NSF: variants seen among roughly 807,000 people sequenced by gnomAD.
The protein encoded by NSF is N-ethylmaleimide sensitive factor, vesicle fusing ATPase, also known as vesicle-fusing ATPase.
Under a neutral mutation model 50.3 loss-of-function variants are expected in NSF, and 14 were observed. That is an observed-to-expected ratio of 0.28 (90% CI 0.18 to 0.44). NSF has a LOEUF of 0.44. NSF is among the 20% of genes least tolerant of loss of function. NSF has a pLI of 1.00. For missense variants in NSF, 218 were observed against 504.3 expected, an observed-to-expected ratio of 0.43 and a Z score of 5.44; for synonymous variants, 109 against 175.7, an observed-to-expected ratio of 0.62 and a Z score of 3.00.
chr17:46,676,506 A>G (rs1198535563), intron 9 of NSF, among the ~76,000 whole-genome samples: 1 of 146,914 alleles, frequency 6.8e-6, no homozygotes, highest in Non-Finnish European at 1.5e-5. Flanking sequence ...TGCTGAGATT[A>G]TAGGCGTGAC....
chr17:46,741,113 G>A (rs2146321462), intron 17 of NSF, among the ~76,000 whole-genome samples: 1 of 152,262 alleles, frequency 6.6e-6, no homozygotes, highest in Non-Finnish European at 1.5e-5. Context: ...AGTGAAAATA[G>A]CAATGAGGCC....
chr17:46,721,451 C>A, intron 15 of NSF: 1 of 636,916 alleles, frequency 1.6e-6, no homozygotes, highest in Non-Finnish European at 2.7e-6. Flanking sequence ...TCCCTCCTAA[C>A]TTTAAGACCC....
intron 2 of NSF, among the ~76,000 whole-genome samples, chr17:46,625,692 G>A (rs1411516512): frequency 1.3e-5 from 1 of 76,930 alleles, no homozygotes. Context: ...AAAAAAATAC[G>A]TATAGAAACA....
chr17:46,731,114 C>T (rs1426492792), intron 17 of NSF, among the ~76,000 whole-genome samples: 1 of 151,952 alleles, frequency 6.6e-6, no homozygotes, highest in Admixed American at 6.6e-5. Flanking sequence ...AAACATTTAT[C>T]TGATAAAATC....
chr17:46,755,740 T>TGA, intron 20 of NSF, 62 bp from the exon 21 acceptor site: 2 of 1,426,424 alleles, frequency 1.4e-6, no homozygotes, highest in Non-Finnish European at 9.5e-7. Flanking sequence ...TTTTTTTTTT[T>TGA]TGATGAATAG....
chr17:46,745,516 T>C (rs978842233), intron 17 of NSF, among the ~76,000 whole-genome samples: 4 of 152,186 alleles, frequency 2.6e-5, no homozygotes, highest in Admixed American at 6.5e-5. Context: ...TCACTGTTAA[T>C]GTAAGAGAAC....
At chr17:46,747,384 G>A (rs1209387945) in intron 17 of NSF, among the ~76,000 whole-genome samples, 1 of 152,064 alleles carries the variant, frequency 6.6e-6, no homozygotes, top group East Asian at 1.9e-4. Context: ...TGGCTCAAGC[G>A]ATCTGCTCAC....
At chr17:46,631,076 A>ACACACACACACACACACACACG (rs2058131503) in intron 4 of NSF, among the ~76,000 whole-genome samples, 2 of 144,698 alleles carry the variant, frequency 1.4e-5, no homozygotes, top group African/African-American at 5.6e-5. Context: ...ACACACACAC[A>ACACACACACACACACACACACG]CACACACACA....
chr17:46,687,257 A>G (rs1265111223), intron 9 of NSF, among the ~76,000 whole-genome samples: 3 of 92,392 alleles, frequency 3.2e-5, no homozygotes, highest in Non-Finnish European at 6.3e-5. Flanking sequence ...CTACAAGACT[A>G]TTCTTTACTA....
chr17:46,732,609 C>A (rs1033937518), intron 17 of NSF, among the ~76,000 whole-genome samples: 6 of 152,120 alleles, frequency 3.9e-5, no homozygotes, highest in Admixed American at 2.0e-4. Flanking sequence ...GATTTATTAG[C>A]CCTTTGAAAG....
intron 17 of NSF, among the ~76,000 whole-genome samples, chr17:46,741,588 C>CAA (rs113562005): frequency 3.5e-4 from 50 of 144,874 alleles, no homozygotes; most frequent in Non-Finnish European, 5.6e-4. Flanking sequence ...CATTTAACTG[C>CAA]AAAAAAAAAA....
chr17:46,743,384 G>A (rs1368479804), intron 17 of NSF, among the ~76,000 whole-genome samples: 2 of 152,132 alleles, frequency 1.3e-5, no homozygotes, highest in Non-Finnish European at 2.9e-5. Flanking sequence ...CTTCTTGCCT[G>A]TTCTGACTGT....
chr17:46,736,110 T>G (rs2059001828), intron 17 of NSF, among the ~76,000 whole-genome samples: 1 of 152,224 alleles, frequency 6.6e-6, no homozygotes, highest in South Asian at 2.1e-4. Context: ...TTTGCAGTAC[T>G]GGGAAAAGAA....
At chr17:46,730,058 T>C (rs770697127) in intron 17 of NSF, among the ~76,000 whole-genome samples, 13 of 152,136 alleles carry the variant, frequency 8.5e-5, no homozygotes, top group Non-Finnish European at 1.8e-4. Flanking sequence ...CTGCAATATT[T>C]TCTTAAGTAA....
intron 1 of NSF, among the ~76,000 whole-genome samples, chr17:46,612,276 C>A (rs2058024581): frequency 1.3e-5 from 1 of 75,384 alleles, no homozygotes. Flanking sequence ...AATTGGAGCC[C>A]TCATTGCTGA....
intron 17 of NSF, among the ~76,000 whole-genome samples, chr17:46,740,817 A>T (rs560907219): frequency 6.6e-6 from 1 of 152,068 alleles, no homozygotes; most frequent in East Asian, 1.9e-4. Context: ...ATGCACCACC[A>T]CGTCCAGCTA....
intron 18 of NSF, among the ~76,000 whole-genome samples, chr17:46,750,258 C>A (rs1298773718): frequency 6.6e-6 from 1 of 152,154 alleles, no homozygotes; most frequent in Non-Finnish European, 1.5e-5. Context: ...GAGGCTGAAG[C>A]AGGAGAATCT....
At chr17:46,714,292 G>A (rs142132845) in intron 15 of NSF, among the ~76,000 whole-genome samples, 44 of 152,236 alleles carry the variant, frequency 2.9e-4, no homozygotes, top group African/African-American at 1.0e-3. Context: ...TGAATAAAGT[G>A]GACAAATTCA....
intron 2 of NSF, among the ~76,000 whole-genome samples, chr17:46,625,689 T>TA (rs1223088689): frequency 1.3e-5 from 1 of 74,844 alleles, no homozygotes; most frequent in African/African-American, 7.7e-5. Flanking sequence ...GCAAAAAAAA[T>TA]ACGTATAGAA....
Sources: allele counts gnomAD v4.1 joint callset (sites outside exome capture counted in the v4.1 genomes callset), GRCh38; gene constraint gnomAD v4.1.1; transcripts MANE v1.5; gene names NCBI Gene and HGNC (gene_info 2026-07-23, HGNC 2026-07-21).